Variants in RAI1 observed in about 807,000 individuals in gnomAD.
RAI1 encodes the protein retinoic acid-induced protein 1.
A neutral mutation model predicts 123.8 loss-of-function variants in RAI1; 9 were observed. The ratio of observed to expected loss-of-function variants is 0.07; its 90% CI spans 0.04 to 0.13. The LOEUF is 0.13. Ranked by LOEUF, RAI1 falls within the 10% of genes least tolerant of loss-of-function variation. The pLI, the probability that RAI1 is intolerant of heterozygous loss-of-function variation, is 1.00. For missense variants in RAI1, 2,256 were observed against 2,545.8 expected, an observed-to-expected ratio of 0.89 and a Z score of 2.45; for synonymous variants, 1,231 against 1,127.3, an observed-to-expected ratio of 1.09 and a Z score of -1.84.
In RAI1 at chr17:17,809,544, C is replaced by G. The variant is rs2032664676; in HGVS notation, c.5709+105C>G. 1 of 1,284,316 alleles carries G rather than the reference C, an allele frequency of 7.8e-7. No homozygotes were observed. Among genetic ancestry groups the G allele is most frequent in the South Asian group, 1.2e-5 (1 of 84,124 alleles). 79.6% of individuals were successfully genotyped at this position (1,284,316 alleles called of 1,614,324 possible). A position where few individuals can be genotyped will look rare whatever the true frequency, so the allele number is the denominator to read the frequency against. On this transcript the variant is annotated intron_variant, in intron 5 of 5. Coordinates refer to ENST00000353383, the MANE Select transcript of RAI1 (RefSeq NM_030665.4). This position sits in a 1 kb window ranked among gnomAD's most constrained non-coding sequence, Gnocchi z 4.9. ...CTGGGCCCCCTTGGCTGCGCAGCCC[C>G]GCAGGGCCCAGCCCTAGGGGAGGGA...
At position 17,690,007 on chromosome 17, in the gene RAI1, T is replaced by C. The variant is rs562267940; in HGVS notation, c.-149+8214T>C. 2.0e-5 allele frequency among the ~76,000 whole-genome samples: 3 copies of C among 152,220 alleles called. No individual in the cohort carries two copies. In the East Asian group the frequency reaches 5.8e-4, roughly 29 times the overall value. On this transcript the variant is annotated intron_variant, in intron 1 of 5. Coordinates refer to ENST00000353383, the MANE Select transcript of RAI1 (RefSeq NM_030665.4). ...GCTTCTCTGCTTGACTGTTGGGGCC[T>C]GATGCTGGGGAGGTCCTGTGAGGCC...
intron 2 of RAI1, among the ~76,000 whole-genome samples, chr17:17,742,369 G>A (rs536559474): frequency 2.0e-5 from 3 of 152,298 alleles, no homozygotes; most frequent in African/African-American, 4.8e-5. Context: ...TCTTACTGCC[G>A]AGGCCTGAGG....
At chr17:17,751,624 C>T (rs2030173591) in intron 2 of RAI1, among the ~76,000 whole-genome samples, 1 of 152,204 alleles carries the variant, frequency 6.6e-6, no homozygotes, top group South Asian at 2.1e-4. Context: ...GCACCGTGGC[C>T]CCTTGCTCTC....
intron 2 of RAI1, among the ~76,000 whole-genome samples, chr17:17,772,126 C>T (rs568713701): frequency 5.9e-5 from 9 of 152,274 alleles, no homozygotes; most frequent in East Asian, 1.9e-4. Flanking sequence ...GCAATATGTA[C>T]GGGAGGTTGG....
intron 2 of RAI1, among the ~76,000 whole-genome samples, chr17:17,772,686 G>A (rs997882470): frequency 6.6e-6 from 1 of 152,164 alleles, no homozygotes; most frequent in African/African-American, 2.4e-5. Context: ...CTAGGTCTCA[G>A]GTGAAGTGTC....
At chr17:17,780,324 C>T (rs1050902870) in intron 2 of RAI1, among the ~76,000 whole-genome samples, 1 of 152,158 alleles carries the variant, frequency 6.6e-6, no homozygotes, top group African/African-American at 2.4e-5. Context: ...CCTTGGCCTC[C>T]CAAAGTGCTA....
chr17:17,724,610 C>G (rs1311549741), intron 2 of RAI1, among the ~76,000 whole-genome samples: 1 of 151,902 alleles, frequency 6.6e-6, no homozygotes, highest in African/African-American at 2.4e-5. Context: ...TGTTCAAGTT[C>G]GCAATCTGCG....
rs3075548 is a variant in RAI1, at chr17:17,776,658, C to CTTTTTTTT, written c.-16-16255_-16-16248dup. The CTTTTTTTT allele has an allele frequency of 7.9e-3, 472 of 59,380 alleles. 38 individuals are homozygous for CTTTTTTTT. The highest frequency in any genetic ancestry group is 0.035 in the African/African-American group (453 of 12,948). The allele number at this position is 59,380 out of a possible 1,614,324, so 3.7% of individuals were successfully genotyped here. ...GGCATGAGCCACCGTGCCTGGCTCA[C>CTTTTTTTT]TTTTTTTTTTTTTTTTTTTTTTTTT... On this transcript the variant is annotated intron_variant, in intron 2 of 5. Coordinates refer to ENST00000353383, the MANE Select transcript of RAI1 (RefSeq NM_030665.4).
rs572488274 is a variant in RAI1 at position 17,803,982 on chromosome 17, T to C, written c.5659+133T>C. 31 of 892,794 alleles carry C rather than the reference T, an allele frequency of 3.5e-5. No individual in the cohort carries two copies. In the East Asian group the frequency reaches 8.1e-4, roughly 23 times the overall value. The allele number at this position is 892,794 out of a possible 1,614,324, so 55.3% of individuals were successfully genotyped here. ...TTTCCCTCCTCTCTTGCCCCAGCAA[T>C]TCTTTTATCCTTCTGTCTGCCTAGA... On this transcript the variant is annotated intron_variant, in intron 4 of 5. Coordinates refer to ENST00000353383, the MANE Select transcript of RAI1 (RefSeq NM_030665.4).
intron 1 of RAI1, among the ~76,000 whole-genome samples, chr17:17,719,870 T>A (rs1212734504): frequency 1.3e-5 from 2 of 152,166 alleles, no homozygotes; most frequent in Non-Finnish European, 2.9e-5. Context: ...ACATAGAGAT[T>A]TGAAGTTGCT....
At chr17:17,722,213 A>G (rs1915902119) in intron 1 of RAI1, among the ~76,000 whole-genome samples, 1 of 152,100 alleles carries the variant, frequency 6.6e-6, no homozygotes, top group Non-Finnish European at 1.5e-5. Flanking sequence ...ACTCCGGTAG[A>G]TGGATGGACA....
Position 17,796,284 on chromosome 17 carries a change from G to C in RAI1, c.3336G>C (p.Pro1112=), listed in dbSNP as rs370438752. The change falls in exon 3 of 6, where the codon CCG becomes CCC. Residue 1112 remains proline (P), a synonymous_variant. Transcript: ENST00000353383. This position sits in a 1 kb window ranked among gnomAD's most constrained non-coding sequence, Gnocchi z 5.8. ...AGGCTGCCTCCAGCCCCAGCAACCC[G>C]GCCGCCCTGCCTGTGGCCTCCGACA... is the stretch of plus-strand genomic sequence containing the variant. ...SPKAASSPSN[P]AALPVASDSS... 1 of 1,600,282 alleles carries C rather than the reference G, an allele frequency of 6.2e-7. No individual in the cohort carries two copies. The highest frequency in any genetic ancestry group is 1.1e-5 in the South Asian group (1 of 90,536).
At chr17:17,792,691 TA>T (rs1426572749) in intron 2 of RAI1, among the ~76,000 whole-genome samples, 1 of 150,980 alleles carries the variant, frequency 6.6e-6, no homozygotes, top group Non-Finnish European at 1.5e-5. Context: ...GAGCGGGAAT[TA>T]CAGAGCACAC....
intron 4 of RAI1, among the ~76,000 whole-genome samples, chr17:17,808,782 T>C (rs1433124083): frequency 2.0e-5 from 3 of 152,186 alleles, no homozygotes; most frequent in Non-Finnish European, 4.4e-5. Context: ...TCAATCTCCA[T>C]GATAGGCATA....
At chr17:17,737,712 G>T (rs1390172735) in intron 2 of RAI1, among the ~76,000 whole-genome samples, 2 of 152,166 alleles carry the variant, frequency 1.3e-5, no homozygotes, top group South Asian at 4.1e-4. Flanking sequence ...GCAGCAGACA[G>T]ATGGAGGGGG....
chr17:17,783,374 G>T (rs1275449455), intron 2 of RAI1, among the ~76,000 whole-genome samples: 1 of 152,114 alleles, frequency 6.6e-6, no homozygotes. Context: ...CGTCTTTGGT[G>T]CGCTTTCCGG....
chr17:17,810,497 G>C lies in RAI1; in HGVS notation c.*516G>C. On this transcript the variant is annotated 3_prime_UTR_variant, in exon 6 of 6. Transcript: ENST00000353383. This position sits in a 1 kb window ranked among gnomAD's most constrained non-coding sequence, Gnocchi z 4.6. ...CGGCTCCTAGCTCCGTGGACTAGGC[G>C]GGGGAGAAAGGAAGCCTTTCTGAGA... 1 of 268,890 alleles carries C rather than the reference G, an allele frequency of 3.7e-6. No individual in the cohort carries two copies. Among genetic ancestry groups the C allele is most frequent in the Non-Finnish European group, 7.4e-6 (1 of 134,686 alleles). 16.7% of individuals were successfully genotyped at this position (268,890 alleles called of 1,614,324 possible). A position where few individuals can be genotyped will look rare whatever the true frequency, so the allele number is the denominator to read the frequency against.
In RAI1 at chr17:17,796,185, A is replaced by G; in HGVS notation, c.3237A>G (p.Ala1079=). 1 of 1,550,606 alleles carries G rather than the reference A, an allele frequency of 6.4e-7. No individual in the cohort carries two copies. Among genetic ancestry groups the G allele is most frequent in the Non-Finnish European group, 8.7e-7 (1 of 1,147,956 alleles). ...PGPPGLTTTP[A]PPDKLGGKQR... is the part of the protein sequence containing the mutation. ...CCCCAGGCCTGACCACCACCCCTGC[A>G]CCCCCAGACAAACTGGGGGGCAAGC... Residue 1079 remains alanine, a synonymous_variant, in exon 3 of 6, where the codon GCA becomes GCG. Coordinates refer to ENST00000353383, the MANE Select transcript of RAI1 (RefSeq NM_030665.4). The surrounding 1 kb of genome is among the most constrained non-coding windows in gnomAD (Gnocchi z 5.8).
rs1006888621 is a variant in RAI1 at position 17,800,052 on chromosome 17, G to A, written c.5565+1539G>A. On this transcript the variant is annotated intron_variant, in intron 3 of 5. Coordinates refer to ENST00000353383, the MANE Select transcript of RAI1 (RefSeq NM_030665.4). This position sits in a 1 kb window ranked among gnomAD's most constrained non-coding sequence, Gnocchi z 4.7. Reference sequence around the variant, plus strand: ...TCCACCTCAGAGGAAGGCTGGCCCCGACAGGACTCCTGCAGGTTCCTGGTG... The same window carrying A: ...TCCACCTCAGAGGAAGGCTGGCCCCAACAGGACTCCTGCAGGTTCCTGGTG... Among the ~76,000 whole-genome samples the A allele has an allele frequency of 2.6e-5, 4 of 152,136 alleles. No individual in the cohort carries two copies. The South Asian group carries it at 6.2e-4, about 24-fold the overall frequency.
Sources: gnomAD v4.1 joint callset for allele counts (sites outside exome capture counted in the v4.1 genomes callset) on GRCh38, gnomAD v4.1.1 for gene constraint, Gnocchi (gnomAD v3.1) non-coding constraint, MANE v1.5 for transcripts, NCBI Gene and HGNC (gene_info 2026-07-23, HGNC 2026-07-21) for gene names.